AP1B1: variants seen among roughly 807,000 people sequenced by gnomAD.
The protein encoded by AP1B1 is AP-1 complex subunit beta-1.
AP1B1 carries 36 observed loss-of-function variants against 104.3 expected under a neutral mutation model. The ratio of observed to expected loss-of-function variants is 0.35; its 90% CI spans 0.26 to 0.46. AP1B1 has a LOEUF of 0.46. AP1B1 is among the 20% of genes least tolerant of loss of function. AP1B1 has a pLI of 1.00. For missense variants in AP1B1, 901 were observed against 1,247.9 expected (o/e 0.72, Z 4.19); for synonymous variants, 504 against 517.5 (o/e 0.97, Z 0.35).
At chr22:29,383,686 G>A (rs553139195) in intron 1 of AP1B1, among the ~76,000 whole-genome samples, 18 of 100,868 alleles carry the variant, frequency 1.8e-4, no homozygotes, top group Non-Finnish European at 3.1e-4. Context: ...TCCAGACTCC[G>A]TCTCAAAAAA....
chr22:29,343,418 C>G (rs930537748), intron 11 of AP1B1, among the ~76,000 whole-genome samples: 6 of 152,196 alleles, frequency 3.9e-5, no homozygotes, highest in Non-Finnish European at 7.3e-5. Context: ...ATGGAGGGCA[C>G]GTGGTCCTCC....
Position 29,349,489 on chromosome 22 carries a change from C to G in AP1B1, c.1272-106G>C, listed in dbSNP as rs569726416. 51 of 1,202,116 alleles carry G rather than the reference C, an allele frequency of 4.2e-5. 1 individual carries two copies. In the South Asian group the frequency reaches 7.0e-4, roughly 17 times the overall value. 74.5% of individuals were successfully genotyped at this position (1,202,116 alleles called of 1,614,324 possible). ...GAAGGGGACCTGCCTCCTAAGACCC[C>G]AAGGTGGCAGGTAAAGGGGATCTGA... On this transcript the variant is annotated intron_variant, in intron 10 of 22. Transcript: ENST00000357586.
At chr22:29,388,351 A>G (rs971101284) in intron 1 of AP1B1, 73 bp downstream of exon 1, 2 of 152,448 alleles carry the variant, frequency 1.3e-5, no homozygotes, top group Non-Finnish European at 2.9e-5. Context: ...TGACCCCGCA[A>G]ACCCCTCACC....
Position 29,331,834 on chromosome 22 carries a change from T to C in AP1B1, c.2392A>G (p.Ser798Gly), listed in dbSNP as rs1347341560. ...NQTVEISLPL[S>G]TVGSVMKMEP... ...ATCTTCATGACCGAGCCCACCGTGC[T>C]GAGAGGCAGGGAGATCTCCACTGTC... Residue 798 changes from serine to glycine, a missense_variant, in exon 18 of 23, where the codon AGC (serine) becomes GGC (glycine). Physicochemically the swap from Ser to Gly is moderately conservative, Grantham distance 56. Around this residue, in one of 3 missense-constraint regions of AP1B1, gnomAD observed 424 missense variants for 494.0 expected, o/e 0.86. Transcript: ENST00000357586. 1 of 1,613,066 alleles carries C rather than the reference T, an allele frequency of 6.2e-7. No individual in the cohort carries two copies. The highest frequency in any genetic ancestry group is 1.1e-5 in the South Asian group (1 of 91,028).
chr22:29,335,531 G>T (rs2061625868), intron 16 of AP1B1, among the ~76,000 whole-genome samples: 1 of 151,942 alleles, frequency 6.6e-6, no homozygotes, highest in Non-Finnish European at 1.5e-5. Flanking sequence ...CAGCATCTAA[G>T]CTGCCACCAG....
chr22:29,371,068 TAACAA>T (rs988646316), intron 1 of AP1B1, among the ~76,000 whole-genome samples: 5 of 152,040 alleles, frequency 3.3e-5, no homozygotes, highest in South Asian at 2.1e-4. Context: ...AAAACACAGA[TAACAA>T]AACAAAACAA....
At chr22:29,366,410 G>C (rs5997469) in intron 2 of AP1B1, among the ~76,000 whole-genome samples, 4,932 of 152,280 alleles carry the variant, frequency 0.032, 251 homozygotes, top group African/African-American at 0.11. Flanking sequence ...GGCTGAGGGG[G>C]CGGATCACCT....
At chr22:29,341,835 G>GAGC in intron 12 of AP1B1, 75 bp from the exon 13 acceptor site, 1 of 1,513,648 alleles carries the variant, frequency 6.6e-7, no homozygotes, top group Non-Finnish European at 8.9e-7. Context: ...CTGCAGCCAT[G>GAGC]AGCCAGGTGC....
intron 22 of AP1B1, 194 bp from the exon 23 acceptor site, chr22:29,329,089 A>G: frequency 1.4e-6 from 2 of 1,394,776 alleles, no homozygotes; most frequent in Non-Finnish European, 1.9e-6. Context: ...TGTGGACCAA[A>G]TATACTTGCA....
intron 2 of AP1B1, among the ~76,000 whole-genome samples, chr22:29,365,654 G>A (rs1272224346): frequency 6.6e-6 from 1 of 151,806 alleles, no homozygotes; most frequent in Non-Finnish European, 1.5e-5. Context: ...GAACTCCTGG[G>A]CTCAAGCAAG....
At chr22:29,339,203 G>C (rs181054802) in intron 15 of AP1B1, 70 bp from the exon 16 acceptor site, 991 of 1,580,386 alleles carry the variant, frequency 6.3e-4, no homozygotes, top group Non-Finnish European at 8.2e-4. Context: ...GGAATGAGTA[G>C]AGCCACCTGG....
At position 29,363,116 on chromosome 22, in the gene AP1B1, G is replaced by C; in HGVS notation, c.38-10C>G. Reference sequence around the variant, plus strand: ...AGCTCGAAGATCTCCCCTAAGGAAAGGAGGCAAGCATGAGTGATCCCTCCC... The same window carrying C: ...AGCTCGAAGATCTCCCCTAAGGAAACGAGGCAAGCATGAGTGATCCCTCCC... On this transcript the variant is annotated splice_polypyrimidine_tract_variant and intron_variant, in intron 2 of 22. Coordinates refer to ENST00000357586, the MANE Select transcript of AP1B1 (RefSeq NM_001127.4). 7.8e-7 allele frequency: 1 copy of C among 1,275,800 alleles called. No homozygotes were observed. The highest frequency in any genetic ancestry group is 1.2e-5 in the South Asian group (1 of 84,028). 79.0% of individuals were successfully genotyped at this position (1,275,800 alleles called of 1,614,324 possible).
chr22:29,388,221 C>G (rs965237062), intron 1 of AP1B1, among the ~76,000 whole-genome samples: 1 of 152,132 alleles, frequency 6.6e-6, no homozygotes, highest in African/African-American at 2.4e-5. Context: ...ATGGGGCGGC[C>G]GAGGAACAGG....
At chr22:29,363,519 G>A (rs559981520) in intron 2 of AP1B1, among the ~76,000 whole-genome samples, 9 of 152,010 alleles carry the variant, frequency 5.9e-5, no homozygotes, top group African/African-American at 9.7e-5. Flanking sequence ...ATAGTGGCGC[G>A]TGCCTGTAAT....
chr22:29,347,734 G>A (rs2061814158), intron 11 of AP1B1, among the ~76,000 whole-genome samples: 1 of 152,228 alleles, frequency 6.6e-6, no homozygotes, highest in Non-Finnish European at 1.5e-5. Flanking sequence ...GCAGAAGTAA[G>A]GAGAGGGCAA....
chr22:29,339,068 G>T lies in AP1B1; in HGVS notation c.2085C>A (p.Ile695=). The change falls in exon 16 of 23, where the codon ATC becomes ATA. Residue 695 remains isoleucine (I), a synonymous_variant. Coordinates refer to ENST00000357586, the MANE Select transcript of AP1B1 (RefSeq NM_001127.4). ...AAVPANLGAP[I]GSGLSDLFDL... ...CAAAGAGGTCACTCAGGCCACTGCC[G>T]ATGGGTGCTCCAAGATTGGCTGGTA... 6.2e-7 allele frequency: 1 copy of T among 1,614,196 alleles called. No individual in the cohort carries two copies. The highest frequency in any genetic ancestry group is 8.5e-7 in the Non-Finnish European group (1 of 1,180,048).
chr22:29,383,174 A>ATTCT (rs1288785982), intron 1 of AP1B1, among the ~76,000 whole-genome samples: 1 of 152,200 alleles, frequency 6.6e-6, no homozygotes, highest in Non-Finnish European at 1.5e-5. Context: ...GGACTTAGAA[A>ATTCT]GTCTCTGTCC....
intron 2 of AP1B1, among the ~76,000 whole-genome samples, chr22:29,366,616 C>T (rs567771186): frequency 9.9e-5 from 15 of 151,544 alleles, no homozygotes; most frequent in Non-Finnish European, 1.9e-4. Flanking sequence ...GCAACAAGAG[C>T]GAAACTCCGT....
chr22:29,355,586 T>G (rs189827859), intron 6 of AP1B1, among the ~76,000 whole-genome samples: 5 of 152,180 alleles, frequency 3.3e-5, no homozygotes, highest in African/African-American at 1.2e-4. Flanking sequence ...AGAATCAAGA[T>G]GATGATGCCT....
Sources: gnomAD v4.1 joint callset for allele counts (sites outside exome capture counted in the v4.1 genomes callset) on GRCh38, gnomAD v4.1.1 for gene constraint, gnomAD v4.1.1 regional missense constraint, MANE v1.5 for transcripts, NCBI Gene and HGNC (gene_info 2026-07-23, HGNC 2026-07-21) for gene names.